The following CDH18 variants were observed in gnomAD, a reference collection of about 807,000 sequenced individuals.
CDH18 encodes the protein cadherin-18.
Under a neutral mutation model 67.9 loss-of-function variants are expected in CDH18, and 31 were observed. The ratio of observed to expected loss-of-function variants is 0.46; its 90% CI spans 0.34 to 0.62. The LOEUF is 0.62. CDH18 is among the 20% of genes least tolerant of loss of function. The pLI is 0.01. For synonymous variants in CDH18, 362 were observed against 347.2 expected, an observed-to-expected ratio of 1.04 and a Z score of -0.48; for missense variants, 890 against 975.5, an observed-to-expected ratio of 0.91 and a Z score of 1.17.
intron 11 of CDH18, among the ~76,000 whole-genome samples, chr5:19,497,566 G>A (rs532331533): frequency 1.8e-4 from 28 of 152,324 alleles, no homozygotes; most frequent in African/African-American, 6.7e-4. Context: ...TGTCAGGAAA[G>A]ATCCCATGGG....
At chr5:19,511,448 A>T (rs1745095142) in intron 10 of CDH18, among the ~76,000 whole-genome samples, 1 of 152,132 alleles carries the variant, frequency 6.6e-6, no homozygotes, top group African/African-American at 2.4e-5. Flanking sequence ...CTTAGAAGAC[A>T]GGAAGACGTG....
chr5:20,503,691 GA>G (rs1461114560), intron 1 of CDH18, among the ~76,000 whole-genome samples: 2 of 152,166 alleles, frequency 1.3e-5, no homozygotes, highest in Non-Finnish European at 2.9e-5. Flanking sequence ...CTTTCATATG[GA>G]AAAGAGTTGC....
chr5:19,853,320 C>T (rs1242203587), intron 2 of CDH18, among the ~76,000 whole-genome samples: 1 of 152,054 alleles, frequency 6.6e-6, no homozygotes, highest in African/African-American at 2.4e-5. Context: ...ATTAAGGACA[C>T]CAATGCTATT....
At chr5:20,414,418 G>T (rs1040716281) in intron 1 of CDH18, among the ~76,000 whole-genome samples, 1 of 152,076 alleles carries the variant, frequency 6.6e-6, no homozygotes, top group African/African-American at 2.4e-5. Context: ...CTAAACAATG[G>T]CTATACAGGA....
chr5:20,272,061 T>C (rs1448676539), intron 1 of CDH18, among the ~76,000 whole-genome samples: 1 of 152,034 alleles, frequency 6.6e-6, no homozygotes, highest in African/African-American at 2.4e-5. Flanking sequence ...TTCCAGTCTA[T>C]TTTTTAAGTG....
At chr5:19,919,314 A>G (rs1792181095) in intron 2 of CDH18, among the ~76,000 whole-genome samples, 1 of 152,160 alleles carries the variant, frequency 6.6e-6, no homozygotes, top group Admixed American at 6.5e-5. Context: ...TCAATTAAAT[A>G]TTTCTTTGAG....
At chr5:19,955,355 G>A (rs1204588091) in intron 2 of CDH18, among the ~76,000 whole-genome samples, 4 of 152,070 alleles carry the variant, frequency 2.6e-5, no homozygotes, top group Non-Finnish European at 4.4e-5. Context: ...AAAGGAATGA[G>A]AATCAATTGC....
intron 2 of CDH18, among the ~76,000 whole-genome samples, chr5:19,962,395 A>AAAAAAAAAAAAAAAAAAAAAAAAAAT (rs58319680): frequency 8.5e-6 from 1 of 117,058 alleles, no homozygotes; most frequent in Non-Finnish European, 1.7e-5. Flanking sequence ...AAAAAAAAAA[A>AAAAAAAAAAAAAAAAAAAAAAAAAAT]AGAAAATTCA....
intron 2 of CDH18, among the ~76,000 whole-genome samples, chr5:20,096,658 C>T (rs1561787631): frequency 1.3e-5 from 2 of 152,000 alleles, no homozygotes; most frequent in South Asian, 2.1e-4. Context: ...AATTAGAAGT[C>T]ATTTACATAA....
intron 2 of CDH18, among the ~76,000 whole-genome samples, chr5:20,235,686 A>G (rs557346400): frequency 6.6e-6 from 1 of 152,220 alleles, no homozygotes; most frequent in Non-Finnish European, 1.5e-5. Context: ...GGGAACCTAA[A>G]TTAATTCAGT....
At chr5:19,917,335 T>TCCCC (rs1791924261) in intron 2 of CDH18, among the ~76,000 whole-genome samples, 5 of 149,552 alleles carry the variant, frequency 3.3e-5, no homozygotes, top group African/African-American at 1.0e-4. Flanking sequence ...AATTTTTTCT[T>TCCCC]TCCCCCCCCG....
chr5:20,400,913 T>A (rs1745711519), intron 1 of CDH18, among the ~76,000 whole-genome samples: 1 of 152,198 alleles, frequency 6.6e-6, no homozygotes, highest in African/African-American at 2.4e-5. Flanking sequence ...AATTCAGAAA[T>A]GTTTTCCCTC....
chr5:20,043,064 T>C (rs1382979915), intron 2 of CDH18, among the ~76,000 whole-genome samples: 1 of 152,136 alleles, frequency 6.6e-6, no homozygotes, highest in Non-Finnish European at 1.5e-5. Context: ...TTGGATTGGA[T>C]AATTCTTTGA....
chr5:19,708,648 C>T (rs1322824245), intron 5 of CDH18, among the ~76,000 whole-genome samples: 3 of 152,198 alleles, frequency 2.0e-5, no homozygotes, highest in African/African-American at 7.2e-5. Context: ...TAAGGCGTTC[C>T]TGAACCACAA....
chr5:19,949,313 C>G (rs1472921963), intron 2 of CDH18, among the ~76,000 whole-genome samples: 2 of 152,064 alleles, frequency 1.3e-5, no homozygotes, highest in Non-Finnish European at 2.9e-5. Flanking sequence ...AGAAACCCAT[C>G]TAGGTATAAG....
At chr5:19,555,379 T>C (rs1280374681) in intron 8 of CDH18, among the ~76,000 whole-genome samples, 1 of 152,162 alleles carries the variant, frequency 6.6e-6, no homozygotes, top group Non-Finnish European at 1.5e-5. Context: ...TGGGGCAAGT[T>C]CTTAGCTGTT....
chr5:19,982,254 A>G (rs1311055892), intron 1 of CDH18, among the ~76,000 whole-genome samples: 2 of 152,146 alleles, frequency 1.3e-5, no homozygotes, highest in Non-Finnish European at 2.9e-5. Context: ...CATAACAAGA[A>G]AAATTCACTA....
intron 1 of CDH18, among the ~76,000 whole-genome samples, chr5:20,563,676 C>T (rs928151928): frequency 6.6e-6 from 1 of 151,964 alleles, no homozygotes; most frequent in Non-Finnish European, 1.5e-5. Flanking sequence ...GTTCAGGTAC[C>T]CATTCACAGG....
intron 2 of CDH18, among the ~76,000 whole-genome samples, chr5:19,968,173 T>A (rs922623700): frequency 2.0e-5 from 3 of 151,970 alleles, no homozygotes; most frequent in Admixed American, 2.0e-4. Context: ...TACAAACCAC[T>A]GCTCAATGAA....
Sources: gnomAD v4.1 joint callset for allele counts (sites outside exome capture counted in the v4.1 genomes callset) on GRCh38, gnomAD v4.1.1 for gene constraint, MANE v1.5 for transcripts, NCBI Gene and HGNC (gene_info 2026-07-23, HGNC 2026-07-21) for gene names.